Variants in BICDL1 observed in about 807,000 individuals in gnomAD.
BICDL1 encodes the protein BICD family like cargo adaptor 1, also known as BICD family-like cargo adapter 1.
A neutral mutation model predicts 76.8 loss-of-function variants in BICDL1; 20 were observed. The observed-to-expected ratio is 0.26, with a 90% CI of 0.18 to 0.38. The LOEUF is 0.38. BICDL1 is among the 10% of genes least tolerant of loss of function. The pLI, the probability that BICDL1 is intolerant of heterozygous loss-of-function variation, is 1.00. For synonymous variants in BICDL1, 383 were observed against 337.1 expected (o/e 1.14, Z -1.49); for missense variants, 700 against 798.6 (o/e 0.88, Z 1.49).
intron 4 of BICDL1, among the ~76,000 whole-genome samples, 165 bp downstream of exon 4, chr12:120,065,044 C>T (rs1055895233): frequency 1.3e-5 from 2 of 152,188 alleles, no homozygotes; most frequent in Non-Finnish European, 2.9e-5. Flanking sequence ...TTGGCTCTTC[C>T]GACTCTGCCT....
chr12:119,990,649 T>A (rs1951501955), intron 1 of BICDL1, among the ~76,000 whole-genome samples: 1 of 152,222 alleles, frequency 6.6e-6, no homozygotes, highest in African/African-American at 2.4e-5. Context: ...TAAAATATGT[T>A]GCAGGTTTTC....
At chr12:120,029,325 G>C (rs1227521131) in intron 2 of BICDL1, among the ~76,000 whole-genome samples, 2 of 152,080 alleles carry the variant, frequency 1.3e-5, no homozygotes, top group African/African-American at 4.8e-5. Flanking sequence ...CCCTCAATAG[G>C]ACAAAGACCC....
chr12:119,991,766 C>T (rs1158129572), intron 1 of BICDL1, among the ~76,000 whole-genome samples: 3 of 152,114 alleles, frequency 2.0e-5, no homozygotes, highest in Non-Finnish European at 2.9e-5. Flanking sequence ...TGATTAGTGC[C>T]AGATTTCATA....
rs1460881430 is a variant in BICDL1, at chr12:120,080,932, G to A, written c.1498G>A (p.Asp500Asn). The stretch of plus-strand genomic sequence containing the variant: ...GATGACTGCCCTAAAAGAGGAGAGA[G>A]ACCGACTCAGAGTCACTTCTGAGGA... ...VEMTALKEER[D>N]RLRVTSEDKE... is the part of the protein sequence containing the mutation. Residue 500 changes from aspartate to asparagine, a missense_variant, in exon 8 of 10, where the codon GAC (aspartate) becomes AAC (asparagine). Physicochemically the swap from Asp to Asn is conservative, Grantham distance 23. Transcript: ENST00000548673. 6.2e-7 allele frequency: 1 copy of A among 1,613,752 alleles called. No homozygotes were observed. The highest frequency in any genetic ancestry group is 2.2e-5 in the East Asian group (1 of 44,858).
At chr12:120,013,981 C>T (rs1328708522) in intron 2 of BICDL1, among the ~76,000 whole-genome samples, 1 of 152,128 alleles carries the variant, frequency 6.6e-6, no homozygotes, top group Non-Finnish European at 1.5e-5. Flanking sequence ...CTAGTCTGAC[C>T]TTTTGATCTC....
intron 4 of BICDL1, among the ~76,000 whole-genome samples, chr12:120,066,509 G>A (rs7953006): frequency 0.023 from 3,532 of 152,264 alleles, 146 homozygotes; most frequent in African/African-American, 0.081. Context: ...GACCAGCACT[G>A]TGGGCTGTAC....
chr12:120,021,877 C>G (rs773346071), intron 2 of BICDL1, among the ~76,000 whole-genome samples: 1 of 149,228 alleles, frequency 6.7e-6, no homozygotes, highest in Non-Finnish European at 1.5e-5. Flanking sequence ...TGCACTCCAG[C>G]CTATGCAACA....
Position 120,093,743 on chromosome 12 carries a change from A to G in BICDL1, c.*582A>G, listed in dbSNP as rs1875185832. 5.7e-6 allele frequency: 1 copy of G among 175,018 alleles called. No homozygotes were observed. The highest frequency in any genetic ancestry group is 1.2e-5 in the Non-Finnish European group (1 of 80,862). The allele number at this position is 175,018 out of a possible 1,614,324, so 10.8% of individuals were successfully genotyped here. A position where few individuals can be genotyped will look rare whatever the true frequency, so the allele number is the denominator to read the frequency against. Reference sequence around the variant, plus strand: ...CAAGCCTCTGGCCGCAGGGTCTAAGAGCCGGGGCTTACCCAAGCTCAGCTG... The same window carrying G: ...CAAGCCTCTGGCCGCAGGGTCTAAGGGCCGGGGCTTACCCAAGCTCAGCTG... On this transcript the variant is annotated 3_prime_UTR_variant, in exon 10 of 10. Transcript: ENST00000548673.
chr12:120,074,228 C>A (rs544544869), intron 6 of BICDL1, among the ~76,000 whole-genome samples: 2 of 149,914 alleles, frequency 1.3e-5, no homozygotes, highest in Admixed American at 6.6e-5. Flanking sequence ...CTCTTCTTGA[C>A]CCCTTCTTCC....
chr12:120,038,859 A>T (rs1340939019), intron 2 of BICDL1, among the ~76,000 whole-genome samples: 1 of 152,204 alleles, frequency 6.6e-6, no homozygotes, highest in African/African-American at 2.4e-5. Flanking sequence ...GAAATAGTTC[A>T]TGTGACACCA....
chr12:119,989,977 C>G lies in BICDL1; in HGVS notation c.109C>G (p.Pro37Ala). The part of the protein sequence containing the change: ...PAAAGDAVRS[P>A]AAAAALIFPG... ...CGCGGCCGGGGACGCAGTCCGGAGT[C>G]CCGCCGCCGCCGCCGCCCTCATCTT... The change falls in exon 1 of 10, where the codon CCC (proline) becomes GCC (alanine). Residue 37 changes from proline to alanine, a missense_variant. Physicochemically the swap from Pro to Ala is conservative, Grantham distance 27. Transcript: ENST00000548673. 6.8e-7 allele frequency: 1 copy of G among 1,467,222 alleles called. No homozygotes were observed. The allele number at this position is 1,467,222 out of a possible 1,614,324, so 90.9% of individuals were successfully genotyped here. A position where few individuals can be genotyped will look rare whatever the true frequency, so the allele number is the denominator to read the frequency against.
chr12:120,042,730 G>C (rs1318585246), intron 2 of BICDL1, among the ~76,000 whole-genome samples: 2 of 151,834 alleles, frequency 1.3e-5, no homozygotes, highest in South Asian at 4.2e-4. Context: ...ATTTGAACCC[G>C]GGAGGCGAAG....
In BICDL1 at chr12:120,062,718, C is replaced by A. The variant is rs118024223; in HGVS notation, c.762+892C>A. ...CCTGCCTCCTATTCCCTTCCTTCCC[C>A]CTTTCCCTTGGAATGCCTACTGGTA... On this transcript the variant is annotated intron_variant, in intron 3 of 9. Coordinates refer to ENST00000548673, the MANE Select transcript of BICDL1 (RefSeq NM_001367886.1). Among the ~76,000 whole-genome samples the A allele has an allele frequency of 4.2e-3, 633 of 152,280 alleles. 2 individuals carry two copies. The highest frequency in any genetic ancestry group is 7.1e-3 in the Non-Finnish European group (483 of 68,022).
At chr12:120,027,413 T>C (rs1392540432) in intron 2 of BICDL1, among the ~76,000 whole-genome samples, 2 of 152,178 alleles carry the variant, frequency 1.3e-5, no homozygotes, top group Non-Finnish European at 2.9e-5. Flanking sequence ...TGAAAATGCT[T>C]AGTAATAACA....
intron 2 of BICDL1, among the ~76,000 whole-genome samples, chr12:120,014,799 C>T (rs1952027292): frequency 6.6e-6 from 1 of 151,098 alleles, no homozygotes; most frequent in Admixed American, 6.6e-5. Context: ...TTCGAGACCA[C>T]CCTGGGCAAC....
chr12:120,065,231 ACT>A (rs763300784), intron 4 of BICDL1, among the ~76,000 whole-genome samples: 16 of 152,120 alleles, frequency 1.1e-4, no homozygotes, highest in East Asian at 5.8e-4. Context: ...GGAGCCTGTG[ACT>A]CTCTAACTCA....
chr12:120,054,633 T>C (rs1952936401), intron 2 of BICDL1, among the ~76,000 whole-genome samples: 1 of 152,036 alleles, frequency 6.6e-6, no homozygotes. Flanking sequence ...TCCCAACACT[T>C]TGGGAGGCTG....
At chr12:120,004,726 G>A (rs774455852) in intron 2 of BICDL1, among the ~76,000 whole-genome samples, 3 of 152,152 alleles carry the variant, frequency 2.0e-5, no homozygotes, top group African/African-American at 7.2e-5. Context: ...GGATAGGGTC[G>A]GCTTCTTAAG....
At position 119,990,032 on chromosome 12, in the gene BICDL1, C is replaced by T; in HGVS notation, c.164C>T (p.Ala55Val). 6.6e-7 allele frequency: 1 copy of T among 1,524,458 alleles called. No homozygotes were observed. The highest frequency in any genetic ancestry group is 8.8e-7 in the Non-Finnish European group (1 of 1,141,814). 94.4% of individuals were successfully genotyped at this position (1,524,458 alleles called of 1,614,324 possible). A position where few individuals can be genotyped will look rare whatever the true frequency, so the allele number is the denominator to read the frequency against. ...FPGGSGELEL[A>V]LEEELALLAA... ...GGGGGCTCCGGGGAGCTAGAACTGG[C>T]GTTAGAGGAGGAGCTGGCGCTGCTG... The change falls in exon 1 of 10, where the codon GCG becomes GTG. Residue 55 changes from alanine to valine, a missense_variant. Transcript: ENST00000548673.
Sources: gnomAD v4.1 joint callset for allele counts (sites outside exome capture counted in the v4.1 genomes callset) on GRCh38, gnomAD v4.1.1 for gene constraint, MANE v1.5 for transcripts, NCBI Gene and HGNC (gene_info 2026-07-23, HGNC 2026-07-21) for gene names.